ZNF385D: variants seen among roughly 807,000 people sequenced by gnomAD.
ZNF385D encodes the protein zinc finger protein 385D.
Under a neutral mutation model 35.8 loss-of-function variants are expected in ZNF385D, and 15 were observed. The observed-to-expected ratio is 0.42, with a 90% CI of 0.28 to 0.64. The LOEUF is 0.64. Ranked by LOEUF, ZNF385D falls within the 30% of genes least tolerant of loss-of-function variation. ZNF385D has a pLI of 0.23. For missense variants in ZNF385D, 474 were observed against 494.6 expected, an observed-to-expected ratio of 0.96 and a Z score of 0.39; for synonymous variants, 212 against 186.8, an observed-to-expected ratio of 1.13 and a Z score of -1.10.
chr3:21,502,109 T>A (rs1004619061), intron 4 of ZNF385D, among the ~76,000 whole-genome samples: 1 of 151,924 alleles, frequency 6.6e-6, no homozygotes, highest in African/African-American at 2.4e-5. Flanking sequence ...AATGCAGGGG[T>A]GGGGGTGCTT....
At chr3:21,428,486 A>G (rs1160766577) in intron 5 of ZNF385D, among the ~76,000 whole-genome samples, 1 of 151,984 alleles carries the variant, frequency 6.6e-6, no homozygotes, top group African/African-American at 2.4e-5. Flanking sequence ...TTACACACAA[A>G]TCTTTAATTT....
chr3:21,782,519 T>G (rs1161056562), intron 3 of ZNF385D, among the ~76,000 whole-genome samples: 1 of 152,116 alleles, frequency 6.6e-6, no homozygotes, highest in Non-Finnish European at 1.5e-5. Context: ...ACACTGTGCA[T>G]AGATAATTAA....
intron 1 of ZNF385D, among the ~76,000 whole-genome samples, chr3:21,712,959 C>T (rs1031345613): frequency 6.6e-6 from 1 of 152,190 alleles, no homozygotes; most frequent in African/African-American, 2.4e-5. Flanking sequence ...TGCACAAACA[C>T]TATTTCCAAC....
At chr3:22,252,696 C>T (rs1700123301) in intron 2 of ZNF385D, among the ~76,000 whole-genome samples, 2 of 152,108 alleles carry the variant, frequency 1.3e-5, no homozygotes, top group African/African-American at 4.8e-5. Flanking sequence ...AAGGCTGATT[C>T]AGGTGTGTCA....
At chr3:21,771,387 T>A (rs75224413) in intron 3 of ZNF385D, among the ~76,000 whole-genome samples, 1 of 151,990 alleles carries the variant, frequency 6.6e-6, no homozygotes, top group African/African-American at 2.4e-5. Flanking sequence ...AATAGAATTT[T>A]CAGAGTTACC....
chr3:22,329,054 G>T (rs1007198566), intron 2 of ZNF385D, among the ~76,000 whole-genome samples: 1 of 137,150 alleles, frequency 7.3e-6, no homozygotes, highest in Non-Finnish European at 1.5e-5. Flanking sequence ...TCCAGCCTGG[G>T]CGACAGAGCG....
intron 3 of ZNF385D, among the ~76,000 whole-genome samples, chr3:21,836,368 G>T (rs1247333713): frequency 6.6e-6 from 1 of 152,018 alleles, no homozygotes; most frequent in Non-Finnish European, 1.5e-5. Flanking sequence ...AGCAAACTTA[G>T]GACATAGATA....
intron 3 of ZNF385D, among the ~76,000 whole-genome samples, chr3:22,136,942 A>G (rs1026686258): frequency 2.0e-5 from 3 of 152,186 alleles, no homozygotes; most frequent in Non-Finnish European, 4.4e-5. Context: ...AGGGATGATT[A>G]GATAGAGCAC....
chr3:22,292,466 C>T (rs1702348619), intron 2 of ZNF385D, among the ~76,000 whole-genome samples: 1 of 151,882 alleles, frequency 6.6e-6, no homozygotes, highest in Admixed American at 6.6e-5. Context: ...TTGGTAAGTT[C>T]TTTTTACAGG....
intron 2 of ZNF385D, among the ~76,000 whole-genome samples, chr3:22,183,415 T>G (rs1166238809): frequency 1.3e-5 from 2 of 152,096 alleles, no homozygotes; most frequent in African/African-American, 4.8e-5. Context: ...CAGTGTGCAG[T>G]GGTGCAATCT....
intron 3 of ZNF385D, among the ~76,000 whole-genome samples, chr3:21,874,774 A>G (rs1697876746): frequency 6.6e-6 from 1 of 152,054 alleles, no homozygotes; most frequent in Admixed American, 6.6e-5. Context: ...TCCGTAAAAA[A>G]TGTTATTGAG....
chr3:21,741,643 TA>T lies in ZNF385D; in HGVS notation c.22+9251del, dbSNP rs199925240. On this transcript the variant is annotated intron_variant, in intron 1 of 7. Coordinates refer to ENST00000281523, the MANE Select transcript of ZNF385D (RefSeq NM_024697.3). ...GAATATTTTGCCTTGTTTTTTTTTT[TA>T]AATAGTAGGTCCATTCAGCCAAAGA... 5.5e-3 allele frequency among the ~76,000 whole-genome samples: 795 copies of T among 143,572 alleles called. 9 individuals are homozygous for T. Among genetic ancestry groups the T allele is most frequent in the African/African-American group, 0.02 (765 of 38,632 alleles). 94.2% of individuals were successfully genotyped at this position (143,572 alleles called of 152,430 possible).
intron 2 of ZNF385D, among the ~76,000 whole-genome samples, chr3:22,202,032 C>A (rs957344293): frequency 2.0e-5 from 3 of 151,828 alleles, no homozygotes; most frequent in East Asian, 1.9e-4. Context: ...GGCTTTTGCA[C>A]CTAAAGTTTT....
intron 3 of ZNF385D, among the ~76,000 whole-genome samples, chr3:21,855,384 G>T (rs1696651480): frequency 6.6e-6 from 1 of 152,000 alleles, no homozygotes. Flanking sequence ...TGTACAGACT[G>T]CTGAGAAGTT....
intron 3 of ZNF385D, among the ~76,000 whole-genome samples, chr3:21,519,565 C>T (rs965903562): frequency 3.3e-5 from 5 of 152,108 alleles, no homozygotes; most frequent in African/African-American, 7.2e-5. Context: ...AGGAGAAGTC[C>T]TGATTGAGGA....
chr3:22,157,899 C>T (rs140307601), intron 3 of ZNF385D, among the ~76,000 whole-genome samples: 1 of 152,254 alleles, frequency 6.6e-6, no homozygotes, highest in Non-Finnish European at 1.5e-5. Context: ...TGTACCTGCA[C>T]ACAAAGTGCC....
rs563550929 is a variant in ZNF385D at position 21,511,834 on chromosome 3, T to G, written c.277-811A>C. On this transcript the variant is annotated intron_variant, in intron 3 of 7. Coordinates refer to ENST00000281523, the MANE Select transcript of ZNF385D (RefSeq NM_024697.3). Reference sequence around the variant, plus strand: ...ATTTTCCTAAGAGCATTTTTTTTTTTTGTGGGGGAGCGGTATAGTGAAATA... The same window carrying G: ...ATTTTCCTAAGAGCATTTTTTTTTTGTGTGGGGGAGCGGTATAGTGAAATA... 41 of 455,210 alleles carry G rather than the reference T, an allele frequency of 9.0e-5. No individual in the cohort carries two copies. In the East Asian group the frequency reaches 1.3e-3, roughly 14 times the overall value. 28.2% of individuals were successfully genotyped at this position (455,210 alleles called of 1,614,324 possible). A position where few individuals can be genotyped will look rare whatever the true frequency, so the allele number is the denominator to read the frequency against.
chr3:22,180,493 T>G (rs1476987991), intron 2 of ZNF385D, among the ~76,000 whole-genome samples: 1 of 152,154 alleles, frequency 6.6e-6, no homozygotes, highest in African/African-American at 2.4e-5. Flanking sequence ...AAAAGGGAAT[T>G]TTAGACCAAT....
intron 4 of ZNF385D, among the ~76,000 whole-genome samples, chr3:21,438,831 C>T (rs540162696): frequency 1.3e-5 from 2 of 152,262 alleles, no homozygotes; most frequent in East Asian, 3.9e-4. Context: ...TAAGTTTTGT[C>T]ACTAGAATAC....
Sources: allele counts gnomAD v4.1 joint callset (sites outside exome capture counted in the v4.1 genomes callset), GRCh38; gene constraint gnomAD v4.1.1; transcripts MANE v1.5; gene names NCBI Gene and HGNC (gene_info 2026-07-23, HGNC 2026-07-21).